Variants in SBF2 observed in about 807,000 individuals in gnomAD.
The protein encoded by SBF2 is SET binding factor 2.
In SBF2, 112 loss-of-function variants were observed where a neutral mutation model predicts 225.2. The observed-to-expected ratio is 0.50, with a 90% confidence interval of 0.43 to 0.58. The LOEUF (loss-of-function observed/expected upper bound fraction) is 0.58, where lower values mean the gene tolerates loss of function less well. Among genes scored for constraint, SBF2 ranks in the 20% least tolerant of loss-of-function variants. The probability of loss-of-function intolerance (pLI) is 0.00; values close to 1 mark genes in which losing one functional copy is unlikely to be tolerated. For synonymous variants in SBF2, 763 were observed against 773.3 expected (o/e 0.99, Z 0.22); for missense variants, 1,996 against 2,206.2 (o/e 0.90, Z 1.91).
At position 9,989,680 on chromosome 11, in the gene SBF2, C is replaced by T; in HGVS notation, c.1297-85G>A. ...GTGATAATTTCATACAATTTGCAAGCCAAAAAAATCCAACATATACATTAT... is the reference window on the plus strand; with the variant it reads ...GTGATAATTTCATACAATTTGCAAGTCAAAAAAATCCAACATATACATTAT... On this transcript the variant is annotated intron_variant, in intron 12 of 39. Transcript: ENST00000256190. The T allele has an allele frequency of 4.9e-6, 4 of 808,956 alleles. No homozygotes were observed. The East Asian group carries it at 1.0e-4, about 21-fold the overall frequency. The allele number at this position is 808,956 out of a possible 1,614,324, so 50.1% of individuals were successfully genotyped here.
intron 1 of SBF2, among the ~76,000 whole-genome samples, chr11:10,213,359 A>C (rs1958011327): frequency 6.6e-6 from 1 of 152,188 alleles, no homozygotes; most frequent in African/African-American, 2.4e-5. Flanking sequence ...CTGAATCCAC[A>C]TTTCAGTCAA....
intron 16 of SBF2, among the ~76,000 whole-genome samples, chr11:9,906,013 T>C (rs1862086019): frequency 6.6e-6 from 1 of 151,798 alleles, no homozygotes; most frequent in African/African-American, 2.4e-5. Context: ...AAGGTCTCCA[T>C]CCTCTCTATG....
chr11:10,188,719 C>A (rs1346950645), intron 2 of SBF2, among the ~76,000 whole-genome samples: 1 of 152,204 alleles, frequency 6.6e-6, no homozygotes, highest in Non-Finnish European at 1.5e-5. Flanking sequence ...TACTACCTCA[C>A]ATGCACTTTC....
Position 9,784,338 on chromosome 11 carries a change from T to G in SBF2, c.5319+13A>C, listed in dbSNP as rs1025268036. The G allele has an allele frequency of 8.8e-6, 14 of 1,599,332 alleles. No individual in the cohort carries two copies. The Admixed American group carries it at 2.3e-4, about 27-fold the overall frequency. On this transcript the variant is annotated intron_variant, in intron 38 of 39. Coordinates refer to ENST00000256190, the MANE Select transcript of SBF2 (RefSeq NM_030962.4). The stretch of plus-strand genomic sequence containing the variant: ...TAGACAGAAGTAATTTCTTTTGGCT[T>G]TAAGAGTATTACCTGATGTTTTGTT...
At chr11:10,291,657 AACACACACACAC>A (rs10580039) in intron 1 of SBF2, among the ~76,000 whole-genome samples, 29 of 146,066 alleles carry the variant, frequency 2.0e-4, no homozygotes, top group Middle Eastern at 3.5e-3. Context: ...TAATCCACTA[AACACACACACAC>A]ACACACACAC....
At chr11:10,034,704 T>C (rs1211489647) in intron 3 of SBF2, among the ~76,000 whole-genome samples, 1 of 152,196 alleles carries the variant, frequency 6.6e-6, no homozygotes, top group Non-Finnish European at 1.5e-5. Flanking sequence ...GTAAAAAATT[T>C]TCAGTCCTAA....
At chr11:9,842,119 T>G (rs1856202151) in intron 25 of SBF2, among the ~76,000 whole-genome samples, 1 of 152,212 alleles carries the variant, frequency 6.6e-6, no homozygotes, top group Non-Finnish European at 1.5e-5. Flanking sequence ...GCCTCTATTT[T>G]TCCCACTGAG....
intron 2 of SBF2, among the ~76,000 whole-genome samples, chr11:10,121,234 G>C (rs564848041): frequency 6.6e-6 from 1 of 152,304 alleles, no homozygotes; most frequent in South Asian, 2.1e-4. Context: ...ATAATGCATA[G>C]ATAGGTAATG....
chr11:9,975,291 C>T (rs1250084542), intron 13 of SBF2, among the ~76,000 whole-genome samples: 1 of 152,134 alleles, frequency 6.6e-6, no homozygotes, highest in Non-Finnish European at 1.5e-5. Flanking sequence ...TTTAGTCCAT[C>T]CATAAAGTGG....
intron 6 of SBF2, among the ~76,000 whole-genome samples, chr11:10,015,948 T>C (rs181729996): frequency 1.3e-5 from 2 of 152,218 alleles, no homozygotes; most frequent in Non-Finnish European, 2.9e-5. Context: ...AGCTAATTTT[T>C]GTATTTTTAG....
intron 13 of SBF2, among the ~76,000 whole-genome samples, chr11:9,976,069 C>CTTTTT (rs1425127093): frequency 3.6e-5 from 5 of 139,680 alleles, no homozygotes; most frequent in African/African-American, 1.3e-4. Flanking sequence ...TCTTCTTCTT[C>CTTTTT]TTCTTTTTTT....
chr11:9,828,173 A>C (rs1855174885), intron 28 of SBF2: 1 of 1,289,778 alleles, frequency 7.8e-7, no homozygotes, highest in South Asian at 1.2e-5. Flanking sequence ...ATGTCCTGGC[A>C]CTACCTGCTT....
intron 6 of SBF2, among the ~76,000 whole-genome samples, chr11:10,026,572 CA>C (rs1382680367): frequency 1.3e-5 from 2 of 151,800 alleles, no homozygotes. Flanking sequence ...CTCTATAAAA[CA>C]AAAAAATTAA....
intron 1 of SBF2, among the ~76,000 whole-genome samples, chr11:10,249,070 T>C (rs1342617471): frequency 6.6e-6 from 1 of 151,398 alleles, no homozygotes; most frequent in East Asian, 1.9e-4. Context: ...CACTCCAGCC[T>C]GGGTGACAGA....
At chr11:10,173,149 G>C (rs903205329) in intron 2 of SBF2, among the ~76,000 whole-genome samples, 1 of 152,184 alleles carries the variant, frequency 6.6e-6, no homozygotes, top group East Asian at 1.9e-4. Flanking sequence ...ACTTAGTCAG[G>C]AGAGGAGCCA....
chr11:10,173,629 C>T (rs1721571925), intron 2 of SBF2, among the ~76,000 whole-genome samples: 1 of 152,196 alleles, frequency 6.6e-6, no homozygotes, highest in African/African-American at 2.4e-5. Context: ...AACAAAGCAG[C>T]AGGGAAGCTC....
chr11:9,972,680 A>G (rs1003758448), intron 13 of SBF2, among the ~76,000 whole-genome samples: 1 of 152,128 alleles, frequency 6.6e-6, no homozygotes, highest in Non-Finnish European at 1.5e-5. Context: ...ACGGGGTTTC[A>G]CTATGTTGTT....
intron 1 of SBF2, among the ~76,000 whole-genome samples, chr11:10,287,808 T>C (rs1209391584): frequency 2.0e-5 from 3 of 152,182 alleles, no homozygotes; most frequent in Non-Finnish European, 2.9e-5. Context: ...CTCGGCCTTG[T>C]AGGCTACACT....
At chr11:10,005,360 G>T (rs552300000) in intron 6 of SBF2, among the ~76,000 whole-genome samples, 1 of 152,054 alleles carries the variant, frequency 6.6e-6, no homozygotes, top group South Asian at 2.1e-4. Context: ...TTGTGCATGC[G>T]GAGTGCCCAC....
Sources: allele counts gnomAD v4.1 joint callset (sites outside exome capture counted in the v4.1 genomes callset), GRCh38; gene constraint gnomAD v4.1.1; transcripts MANE v1.5; gene names NCBI Gene and HGNC (gene_info 2026-07-23, HGNC 2026-07-21).